RELCH: variants seen among roughly 807,000 people sequenced by gnomAD.
The protein encoded by RELCH is RAB11-binding protein RELCH.
In RELCH, 41 loss-of-function variants were observed where a neutral mutation model predicts 150.3. The observed-to-expected ratio is 0.27, with a 90% CI of 0.21 to 0.35. The LOEUF is 0.35. Among genes scored for constraint, RELCH ranks in the 10% least tolerant of loss-of-function variants. RELCH has a pLI of 1.00. For synonymous variants in RELCH, 478 were observed against 531.8 expected, an observed-to-expected ratio of 0.90 and a Z score of 1.39; for missense variants, 1,092 against 1,467.8, an observed-to-expected ratio of 0.74 and a Z score of 4.18.
chr18:62,250,291 A>G (rs2042633167), intron 11 of RELCH, among the ~76,000 whole-genome samples: 1 of 152,140 alleles, frequency 6.6e-6, no homozygotes, highest in Non-Finnish European at 1.5e-5. Flanking sequence ...AGTGATGGTG[A>G]CTTATGATTT....
chr18:62,193,473 C>T (rs898400408), intron 1 of RELCH, among the ~76,000 whole-genome samples: 1 of 152,088 alleles, frequency 6.6e-6, no homozygotes, highest in Non-Finnish European at 1.5e-5. Context: ...CAGCTTTTGC[C>T]CATTCAGTAT....
chr18:62,284,392 A>G (rs1214248765), intron 25 of RELCH: 2 of 152,238 alleles, frequency 1.3e-5, no homozygotes, highest in African/African-American at 2.4e-5. Context: ...GAATAGTTCT[A>G]GTAAACCATT....
At chr18:62,206,133 G>A (rs1299683582) in intron 1 of RELCH, among the ~76,000 whole-genome samples, 1 of 152,184 alleles carries the variant, frequency 6.6e-6, no homozygotes, top group East Asian at 1.9e-4. Context: ...CCAGGCTGAA[G>A]TGCAGTGGCA....
At chr18:62,247,237 G>T (rs1050993483) in intron 11 of RELCH, 2 of 152,102 alleles carry the variant, frequency 1.3e-5, no homozygotes, top group African/African-American at 4.8e-5. Flanking sequence ...GCACTTTACA[G>T]TGAAAATAAC....
chr18:62,228,429 A>T lies in RELCH; in HGVS notation c.1279A>T (p.Ser427Cys). 6.2e-7 allele frequency: 1 copy of T among 1,613,414 alleles called. No homozygotes were observed. Among genetic ancestry groups the T allele is most frequent in the South Asian group, 1.1e-5 (1 of 91,076 alleles). The change falls in exon 8 of 29, where the codon AGT becomes TGT. Residue 427 changes from serine to cysteine, a missense_variant. Around this residue, in one of 4 missense-constraint regions of RELCH, gnomAD observed 707 missense variants for 1,025.4 expected, o/e 0.69. Transcript: ENST00000644646. ...EDSGQHPDVN[S>C]SDKGKNTDIH... The stretch of plus-strand genomic sequence containing the variant: ...CAGTGGACAGCATCCAGATGTAAAT[A>T]GTTCAGACAAGGGAAAAAACACAGA...
At chr18:62,219,054 A>G (rs1022419335) in intron 2 of RELCH, among the ~76,000 whole-genome samples, 3 of 151,874 alleles carry the variant, frequency 2.0e-5, no homozygotes, top group African/African-American at 7.2e-5. Context: ...TTTGTCTTTT[A>G]AAGTCTATAT....
intron 15 of RELCH, among the ~76,000 whole-genome samples, chr18:62,260,421 C>A (rs2043204672): frequency 6.7e-6 from 1 of 148,414 alleles, no homozygotes; most frequent in Non-Finnish European, 1.5e-5. Flanking sequence ...GAAAGGGGAA[C>A]CTTCGTACAC....
At position 62,261,373 on chromosome 18, in the gene RELCH, C is replaced by A. The variant is rs1230780425; in HGVS notation, c.2203-138C>A. 9.8e-6 allele frequency: 6 copies of A among 609,516 alleles called. No homozygotes were observed. In the East Asian group the frequency reaches 1.7e-4, roughly 17 times the overall value. The allele number at this position is 609,516 out of a possible 1,614,324, so 37.8% of individuals were successfully genotyped here. On this transcript the variant is annotated intron_variant, in intron 15 of 28. Transcript: ENST00000644646. The stretch of plus-strand genomic sequence containing the variant: ...TAAAAGATTCTACCACTCTAGAGTG[C>A]CTTACTGCTTGTTTGAGTCCAACAT...
chr18:62,209,367 G>C (rs1057020896), intron 1 of RELCH, among the ~76,000 whole-genome samples: 1 of 152,134 alleles, frequency 6.6e-6, no homozygotes, highest in Admixed American at 6.6e-5. Flanking sequence ...ATATACAGTT[G>C]GCCCAGCACA....
At chr18:62,229,051 A>G (rs2041391249) in intron 8 of RELCH, among the ~76,000 whole-genome samples, 1 of 151,980 alleles carries the variant, frequency 6.6e-6, no homozygotes, top group African/African-American at 2.4e-5. Context: ...GTATTCTGTT[A>G]ATTCATATGT....
intron 2 of RELCH, among the ~76,000 whole-genome samples, chr18:62,216,617 C>T (rs1279202423): frequency 6.6e-6 from 1 of 151,960 alleles, no homozygotes; most frequent in African/African-American, 2.4e-5. Context: ...GCTGAGTGCC[C>T]TCTCTATAGT....
chr18:62,296,004 T>A (rs1250070676), intron 27 of RELCH, among the ~76,000 whole-genome samples: 1 of 152,180 alleles, frequency 6.6e-6, no homozygotes, highest in Admixed American at 6.5e-5. Context: ...GTTTGTTTAA[T>A]TGGGGGGCAG....
At chr18:62,221,150 A>G (rs781176188) in intron 3 of RELCH, 42 bp downstream of exon 3, 2 of 1,597,694 alleles carry the variant, frequency 1.3e-6, no homozygotes, top group Non-Finnish European at 1.7e-6. Flanking sequence ...CAACTTTGAC[A>G]ATGTAGAAGT....
At chr18:62,272,340 T>G (rs2043949792) in intron 20 of RELCH, among the ~76,000 whole-genome samples, 2 of 152,166 alleles carry the variant, frequency 1.3e-5, no homozygotes, top group Admixed American at 6.5e-5. Context: ...TCTTGAAGTT[T>G]TGTTAATATT....
At chr18:62,258,197 T>G in intron 14 of RELCH, 109 bp downstream of exon 14, 1 of 1,064,384 alleles carries the variant, frequency 9.4e-7, no homozygotes, top group Non-Finnish European at 1.3e-6. Flanking sequence ...GGATGGCAGG[T>G]ATGTCAACTT....
In RELCH at chr18:62,307,412, G is replaced by A. The variant is rs2045911560; in HGVS notation, c.*1878G>A. 1 of 152,012 alleles carries A rather than the reference G, an allele frequency of 6.6e-6. No homozygotes were observed. The highest frequency in any genetic ancestry group is 6.6e-5 in the Admixed American group (1 of 15,262). 9.4% of individuals were successfully genotyped at this position (152,012 alleles called of 1,614,324 possible). On this transcript the variant is annotated 3_prime_UTR_variant, in exon 29 of 29. Coordinates refer to ENST00000644646, the MANE Select transcript of RELCH (RefSeq NM_001346231.2). ...TGAATGGGTAGAATGTATTTTTATT[G>A]TGAACATTTTTCTTAATTAATGAAT...
In RELCH at chr18:62,228,363, C is replaced by G; in HGVS notation, c.1213C>G (p.Gln405Glu). ...FAIPAVCDSV[Q>E]PPLDQLPHKD... ...CATCCCAGCAGTTTGTGACTCTGTT[C>G]AGCCTCCTTTGGATCAGTTGCCCCA... The change falls in exon 8 of 29, where the codon CAG (glutamine) becomes GAG (glutamate). Residue 405 changes from glutamine (Q) to glutamate (E), a missense_variant. Physicochemically the swap from Gln to Glu is conservative, Grantham distance 29 (BLOSUM62 2). Around this residue, in one of 4 missense-constraint regions of RELCH, gnomAD observed 707 missense variants for 1,025.4 expected, o/e 0.69. Coordinates refer to ENST00000644646, the MANE Select transcript of RELCH (RefSeq NM_001346231.2). 2 of 1,613,306 alleles carry G rather than the reference C, an allele frequency of 1.2e-6. No homozygotes were observed. The highest frequency in any genetic ancestry group is 1.7e-6 in the Non-Finnish European group (2 of 1,179,520).
At chr18:62,277,101 G>T (rs2044252836) in intron 22 of RELCH, among the ~76,000 whole-genome samples, 1 of 152,082 alleles carries the variant, frequency 6.6e-6, no homozygotes, top group Non-Finnish European at 1.5e-5. Flanking sequence ...GTGCACTGGT[G>T]AATCAAACCA....
At chr18:62,225,302 A>C (rs555234786) in intron 5 of RELCH, among the ~76,000 whole-genome samples, 26 of 152,116 alleles carry the variant, frequency 1.7e-4, no homozygotes, top group African/African-American at 5.5e-4. Context: ...CAAAACATTT[A>C]TTAGATATGA....
Sources: gnomAD v4.1 joint callset for allele counts (sites outside exome capture counted in the v4.1 genomes callset) on GRCh38, gnomAD v4.1.1 for gene constraint, gnomAD v4.1.1 regional missense constraint, MANE v1.5 for transcripts, NCBI Gene and HGNC (gene_info 2026-07-23, HGNC 2026-07-21) for gene names.